The following PCDHA3 variants were observed in gnomAD, a reference collection of about 807,000 sequenced individuals.
The protein encoded by PCDHA3 is protocadherin alpha 3, also known as protocadherin alpha-3.
In PCDHA3, 41 loss-of-function variants were observed where a neutral mutation model predicts 62.2. That is an observed-to-expected ratio of 0.66 (90% CI 0.51 to 0.86). PCDHA3 has a LOEUF of 0.86. Ranked by LOEUF, PCDHA3 falls within the 40% of genes least tolerant of loss-of-function variation. PCDHA3 has a pLI of 0.00. For missense variants in PCDHA3, 1,304 were observed against 1,241.2 expected, an observed-to-expected ratio of 1.05 and a Z score of -0.76; for synonymous variants, 640 against 555.4, an observed-to-expected ratio of 1.15 and a Z score of -2.14.
chr5:140,837,522 T>C (rs1187305095), intron 1 of PCDHA3, among the ~76,000 whole-genome samples: 1 of 151,966 alleles, frequency 6.6e-6, no homozygotes. Flanking sequence ...TTTACTTTTT[T>C]TGTATATTCC....
At chr5:140,826,381 T>A (rs1768927089) in intron 1 of PCDHA3, among the ~76,000 whole-genome samples, 1 of 152,186 alleles carries the variant, frequency 6.6e-6, no homozygotes, top group Non-Finnish European at 1.5e-5. Flanking sequence ...AAGTCAGTGA[T>A]AAGAACTACT....
intron 1 of PCDHA3, chr5:140,967,556 G>A (rs1586226034): frequency 6.2e-7 from 1 of 1,614,030 alleles, no homozygotes; most frequent in East Asian, 2.2e-5. Context: ...CACTTATCGC[G>A]TCCAGCTACG....
At chr5:140,842,943 G>A (rs2150348424) in intron 1 of PCDHA3, 4 of 1,594,646 alleles carry the variant, frequency 2.5e-6, no homozygotes, top group Non-Finnish European at 3.4e-6. Context: ...CGCGACGCGG[G>A]CGTGCCGCCT....
chr5:140,971,843 G>T (rs1250084892), intron 1 of PCDHA3, among the ~76,000 whole-genome samples: 2 of 151,906 alleles, frequency 1.3e-5, no homozygotes, highest in Non-Finnish European at 2.9e-5. Flanking sequence ...TGCAAGTCAT[G>T]CGTTAAATAT....
intron 1 of PCDHA3, chr5:140,822,375 T>C: frequency 1.2e-6 from 2 of 1,614,082 alleles, no homozygotes; most frequent in Non-Finnish European, 1.7e-6. Flanking sequence ...AATCCTTAGA[T>C]AGAGAAGAAA....
Position 140,883,090 on chromosome 5 carries a change from T to C in PCDHA3, c.2394+79499T>C, listed in dbSNP as rs550322124. On this transcript the variant is annotated intron_variant, in intron 1 of 3. Transcript: ENST00000522353. ...CCACAGATCCTGATGATGGTACAAA[T>C]GGAGATATAGTTTACTCATTTAGAA... The C allele has an allele frequency of 1.4e-4, 226 of 1,614,138 alleles. 1 individual carries two copies. In the South Asian group the frequency reaches 2.4e-3, roughly 17 times the overall value.
At chr5:140,971,096 A>G (rs1240805149) in intron 1 of PCDHA3, among the ~76,000 whole-genome samples, 1 of 152,180 alleles carries the variant, frequency 6.6e-6, no homozygotes, top group African/African-American at 2.4e-5. Context: ...ATTCTTGTGA[A>G]GCCCTTTGGG....
chr5:140,959,163 C>T (rs246007), intron 1 of PCDHA3, among the ~76,000 whole-genome samples: 85,446 of 151,632 alleles, frequency 0.56, 24,671 homozygotes, highest in African/African-American at 0.69. Context: ...GATTGCTTGA[C>T]CCCAGGAGTT....
At chr5:140,827,106 T>C (rs1180227129) in intron 1 of PCDHA3, among the ~76,000 whole-genome samples, 1 of 152,176 alleles carries the variant, frequency 6.6e-6, no homozygotes, top group Non-Finnish European at 1.5e-5. Flanking sequence ...TCAGCATGTA[T>C]AGGTGAAAGT....
intron 1 of PCDHA3, chr5:140,836,792 G>T (rs2150269946): frequency 7.1e-7 from 1 of 1,416,460 alleles, no homozygotes; most frequent in Non-Finnish European, 9.6e-7. Context: ...AGTTCAATTG[G>T]TCTCCTTAAA....
intron 1 of PCDHA3, among the ~76,000 whole-genome samples, chr5:140,827,203 G>A (rs1239301472): frequency 2.6e-5 from 4 of 152,154 alleles, no homozygotes; most frequent in Non-Finnish European, 5.9e-5. Context: ...GGAAGTGAGT[G>A]AGAACAATTA....
At position 140,856,259 on chromosome 5, in the gene PCDHA3, G is replaced by T. The variant is rs199529084; in HGVS notation, c.2394+52668G>T. The T allele has an allele frequency of 2.8e-5, 45 of 1,597,976 alleles. 8 individuals are homozygous for T. Among genetic ancestry groups the T allele is most frequent in the Non-Finnish European group, 2.9e-5 (34 of 1,167,878 alleles). The stretch of plus-strand genomic sequence containing the variant: ...GTTCCGGGTGGCGTCCAAAAGACAC[G>T]GGGACCTTCTGGAGGTAAATCTGCA... On this transcript the variant is annotated intron_variant, in intron 1 of 3. Coordinates refer to ENST00000522353, the MANE Select transcript of PCDHA3 (RefSeq NM_018906.3).
intron 1 of PCDHA3, among the ~76,000 whole-genome samples, chr5:140,918,244 T>C (rs1554198493): frequency 6.6e-6 from 1 of 152,236 alleles, no homozygotes; most frequent in South Asian, 2.1e-4. Flanking sequence ...TGATTTTGTA[T>C]GCTGAAACTT....
Position 140,803,409 on chromosome 5 carries a change from A to G in PCDHA3, c.2212A>G (p.Thr738Ala). ...AGGCGACTGTGGGCCGGGCAAGCCC[A>G]CGCTGGTGTGCTCCAGCGCGGTGGG... ...TEGDCGPGKP[T>A]LVCSSAVGSW... Residue 738 changes from threonine (T) to alanine (A), a missense_variant, in exon 1 of 4, where the codon ACG becomes GCG. Coordinates refer to ENST00000522353, the MANE Select transcript of PCDHA3 (RefSeq NM_018906.3). The G allele has an allele frequency of 1.2e-6, 2 of 1,614,204 alleles. No homozygotes were observed. Among genetic ancestry groups the G allele is most frequent in the African/African-American group, 2.7e-5 (2 of 75,060 alleles).
intron 1 of PCDHA3, chr5:140,868,997 G>T: frequency 6.6e-7 from 1 of 1,517,542 alleles, no homozygotes; most frequent in Non-Finnish European, 8.8e-7. Flanking sequence ...ACCGTTTAAG[G>T]ATCCTTTGAA....
intron 1 of PCDHA3, 124 bp downstream of exon 1, chr5:140,803,715 G>A: frequency 6.8e-7 from 1 of 1,470,908 alleles, no homozygotes; most frequent in East Asian, 2.3e-5. Context: ...GACTTTTCCA[G>A]TTTTGTGGTT....
chr5:140,924,747 T>G (rs1026870483), intron 1 of PCDHA3, among the ~76,000 whole-genome samples: 2 of 151,786 alleles, frequency 1.3e-5, no homozygotes, highest in African/African-American at 4.8e-5. Flanking sequence ...ATACAAAAAT[T>G]AACCGAGCAT....
chr5:140,924,910 AT>A (rs1554202346), intron 1 of PCDHA3, among the ~76,000 whole-genome samples: 33 of 63,422 alleles, frequency 5.2e-4, no homozygotes, highest in African/African-American at 1.8e-3. Context: ...AAAAAATAAA[AT>A]AAAATAAAAT....
In PCDHA3 at chr5:140,809,088, C is replaced by T. The variant is rs1202399974; in HGVS notation, c.2394+5497C>T. ...CTGTACACTGGCGAGATCAGCACAA[C>T]GCGTGCCCTGGACGAAACGGACGCT... On this transcript the variant is annotated intron_variant, in intron 1 of 3. Coordinates refer to ENST00000522353, the MANE Select transcript of PCDHA3 (RefSeq NM_018906.3). The T allele has an allele frequency of 4.3e-6, 7 of 1,613,836 alleles. No homozygotes were observed. In the Admixed American group the frequency reaches 5.0e-5, roughly 12 times the overall value.
Sources: allele counts gnomAD v4.1 joint callset (sites outside exome capture counted in the v4.1 genomes callset), GRCh38; gene constraint gnomAD v4.1.1; transcripts MANE v1.5; gene names NCBI Gene and HGNC (gene_info 2026-07-23, HGNC 2026-07-21).